Variants in ENPP6 observed in about 807,000 individuals in gnomAD.
The protein encoded by ENPP6 is ectonucleotide pyrophosphatase/phosphodiesterase 6.
Under a neutral mutation model 42.0 loss-of-function variants are expected in ENPP6, and 32 were observed. The observed-to-expected ratio is 0.76, with a 90% CI of 0.58 to 1.02. The LOEUF is 1.02. Among genes scored for constraint, ENPP6 ranks in the 50% least tolerant of loss-of-function variants. The pLI is 0.00. For synonymous variants in ENPP6, 213 were observed against 216.0 expected (o/e 0.99, Z 0.12); for missense variants, 552 against 566.8 (o/e 0.97, Z 0.27).
At chr4:184,123,968 C>T (rs891694576) in intron 3 of ENPP6, among the ~76,000 whole-genome samples, 193 bp downstream of exon 3, 7 of 152,164 alleles carry the variant, frequency 4.6e-5, no homozygotes, top group African/African-American at 1.7e-4. Flanking sequence ...TCAACATTTC[C>T]AGAGATTGCC....
chr4:184,116,225 A>AAAAC (rs1048620928), intron 5 of ENPP6, among the ~76,000 whole-genome samples: 3 of 152,074 alleles, frequency 2.0e-5, no homozygotes, highest in African/African-American at 4.8e-5. Context: ...TCCGTCTCAA[A>AAAAC]AAACAAACAA....
At chr4:184,205,033 C>T (rs1041421447) in intron 1 of ENPP6, among the ~76,000 whole-genome samples, 10 of 152,204 alleles carry the variant, frequency 6.6e-5, no homozygotes, top group South Asian at 6.2e-4. Context: ...TGGGTTCAAG[C>T]GATTCTCCTG....
intron 1 of ENPP6, among the ~76,000 whole-genome samples, chr4:184,205,416 A>C (rs1395906091): frequency 6.6e-6 from 1 of 152,238 alleles, no homozygotes; most frequent in Non-Finnish European, 1.5e-5. Flanking sequence ...TTTCTGGGGA[A>C]CAAGCAGAAG....
chr4:184,176,846 G>A (rs910741948), intron 1 of ENPP6, among the ~76,000 whole-genome samples: 2 of 152,228 alleles, frequency 1.3e-5, no homozygotes, highest in Admixed American at 6.5e-5. Flanking sequence ...TGGACAGGAG[G>A]TGGGAACCTG....
intron 1 of ENPP6, among the ~76,000 whole-genome samples, chr4:184,172,094 G>A (rs1737478432): frequency 6.6e-6 from 1 of 152,128 alleles, no homozygotes; most frequent in African/African-American, 2.4e-5. Context: ...TGGGAAACCC[G>A]GTGTAACAAA....
Position 184,217,733 on chromosome 4 carries a change from A to G in ENPP6, c.87T>C (p.Phe29=), listed in dbSNP as rs761120435. 6.2e-7 allele frequency: 1 copy of G among 1,614,216 alleles called. No homozygotes were observed. The highest frequency in any genetic ancestry group is 8.5e-7 in the Non-Finnish European group (1 of 1,180,040). ...AGTCTGAGCGAAAACCATCCAGCAG[A>G]AACACCAGCAGCTTCCGGCGGGCAG... ...PASARRKLLV[F]LLDGFRSDYI... Residue 29 remains phenylalanine (F), a synonymous_variant, in exon 1 of 8, where the codon TTT becomes TTC. Transcript: ENST00000296741.
At chr4:184,134,729 A>G (rs1479088188) in intron 2 of ENPP6, among the ~76,000 whole-genome samples, 2 of 150,294 alleles carry the variant, frequency 1.3e-5, no homozygotes, top group African/African-American at 4.9e-5. Context: ...TTTCTATTTT[A>G]TTCATTTCTG....
intron 2 of ENPP6, among the ~76,000 whole-genome samples, chr4:184,129,365 C>T (rs974158738): frequency 1.3e-5 from 2 of 151,812 alleles, no homozygotes; most frequent in African/African-American, 4.8e-5. Flanking sequence ...GCAATGTACA[C>T]AAATACTTTC....
intron 1 of ENPP6, among the ~76,000 whole-genome samples, chr4:184,190,415 G>C (rs187585294): frequency 6.6e-4 from 100 of 152,280 alleles, no homozygotes; most frequent in Non-Finnish European, 1.1e-3. Context: ...AGAGAGAATC[G>C]GGGAGATATG....
intron 1 of ENPP6, among the ~76,000 whole-genome samples, chr4:184,216,095 T>C (rs1483647161): frequency 1.3e-5 from 2 of 152,060 alleles, no homozygotes; most frequent in East Asian, 1.9e-4. Flanking sequence ...ATGAATTGGG[T>C]CCCCTGGCAA....
intron 7 of ENPP6, among the ~76,000 whole-genome samples, chr4:184,094,034 C>A (rs1735855167): frequency 6.6e-6 from 1 of 151,876 alleles, no homozygotes; most frequent in Non-Finnish European, 1.5e-5. Context: ...AATCCAAGCA[C>A]TTTGGGAGGC....
At chr4:184,097,615 G>A (rs1431652479) in intron 6 of ENPP6, among the ~76,000 whole-genome samples, 1 of 152,176 alleles carries the variant, frequency 6.6e-6, no homozygotes, top group Non-Finnish European at 1.5e-5. Context: ...ATTGTCTCCC[G>A]TAATCAGTTT....
rs113166094 is a variant in ENPP6 at position 184,137,346 on chromosome 4, C to A, written c.422-13074G>T. On this transcript the variant is annotated intron_variant, in intron 2 of 7. Coordinates refer to ENST00000296741, the MANE Select transcript of ENPP6 (RefSeq NM_153343.4). ...ACCTTACCTCAAGCAATCCACCTGC[C>A]TCAGCCTCCCAGAGTGCTGGGATTA... 1.2e-3 allele frequency among the ~76,000 whole-genome samples: 188 copies of A among 152,366 alleles called. 1 individual carries two copies. In the South Asian group the frequency reaches 0.038, roughly 31 times the overall value.
chr4:184,101,653 G>A (rs1736006668), intron 6 of ENPP6, among the ~76,000 whole-genome samples: 1 of 152,148 alleles, frequency 6.6e-6, no homozygotes, highest in African/African-American at 2.4e-5. Flanking sequence ...GGGATGCAAG[G>A]CTTTCAGTTT....
chr4:184,172,584 C>T (rs570866652), intron 1 of ENPP6, among the ~76,000 whole-genome samples: 4 of 152,246 alleles, frequency 2.6e-5, no homozygotes, highest in Admixed American at 2.6e-4. Flanking sequence ...CATAAGGCGG[C>T]CTGGACCGGA....
At chr4:184,110,755 T>C (rs931147502) in intron 6 of ENPP6, among the ~76,000 whole-genome samples, 2 of 152,234 alleles carry the variant, frequency 1.3e-5, no homozygotes, top group African/African-American at 2.4e-5. Flanking sequence ...TCAGCAATCC[T>C]GGAATTGCCT....
At chr4:184,143,136 C>A (rs1736850397) in intron 2 of ENPP6, among the ~76,000 whole-genome samples, 2 of 152,222 alleles carry the variant, frequency 1.3e-5, no homozygotes, top group Admixed American at 6.5e-5. Context: ...GGTTTCCTCG[C>A]ATTTGGATCA....
intron 2 of ENPP6, among the ~76,000 whole-genome samples, chr4:184,137,457 G>T (rs1736748707): frequency 6.6e-6 from 1 of 152,074 alleles, no homozygotes; most frequent in South Asian, 2.1e-4. Flanking sequence ...GTCAGGCCTT[G>T]TTTTCTTATA....
At chr4:184,177,527 T>C (rs1406943453) in intron 1 of ENPP6, among the ~76,000 whole-genome samples, 3 of 152,206 alleles carry the variant, frequency 2.0e-5, no homozygotes, top group African/African-American at 7.2e-5. Flanking sequence ...GAGTGCTTTG[T>C]TAAGCGGGTC....
Sources: gnomAD v4.1 joint callset for allele counts (sites outside exome capture counted in the v4.1 genomes callset) on GRCh38, gnomAD v4.1.1 for gene constraint, MANE v1.5 for transcripts, NCBI Gene and HGNC (gene_info 2026-07-23, HGNC 2026-07-21) for gene names.